The following ZCCHC3 variants were observed in gnomAD, a reference collection of about 807,000 sequenced individuals.
ZCCHC3 encodes zinc finger CCHC domain-containing protein 3.
ZCCHC3 carries 20 observed loss-of-function variants against 18.4 expected under a neutral mutation model. The observed-to-expected ratio is 1.09, with a 90% confidence interval of 0.76 to 1.58. The LOEUF is 1.58. ZCCHC3 is among the 40% of genes most tolerant of loss of function. ZCCHC3 has a pLI of 0.00. For missense variants in ZCCHC3, 548 were observed against 511.2 expected, an observed-to-expected ratio of 1.07 and a Z score of -0.69; for synonymous variants, 310 against 232.7, an observed-to-expected ratio of 1.33 and a Z score of -3.02.
Position 297,992 on chromosome 20 carries a change from C to G in ZCCHC3, c.406C>G (p.Pro136Ala). The G allele has an allele frequency of 7.5e-7, 1 of 1,326,966 alleles. No individual in the cohort carries two copies. Among genetic ancestry groups the G allele is most frequent in the East Asian group, 3.1e-5 (1 of 32,156 alleles). 82.2% of individuals were successfully genotyped at this position (1,326,966 alleles called of 1,614,324 possible). A position where few individuals can be genotyped will look rare whatever the true frequency, so the allele number is the denominator to read the frequency against. The change falls in exon 1 of 1, where the codon CCG (proline) becomes GCG (alanine). Residue 136 changes from proline (P) to alanine (A), a missense_variant. By Grantham distance (27) the Pro-to-Ala change is conservative. Transcript: ENST00000500893. ...AEAAAAAMAT[P>A]ARPGEAEDAA... Reference sequence around the variant, plus strand: ...GGCGGCGGCGGCCGCCATGGCGACCCCGGCCAGGCCCGGCGAGGCCGAGGA... The same window carrying G: ...GGCGGCGGCGGCCGCCATGGCGACCGCGGCCAGGCCCGGCGAGGCCGAGGA...
In ZCCHC3 at chr20:297,992, C is replaced by T; in HGVS notation, c.406C>T (p.Pro136Ser). ...GGCGGCGGCGGCCGCCATGGCGACC[C>T]CGGCCAGGCCCGGCGAGGCCGAGGA... is the stretch of plus-strand genomic sequence containing the variant. ...AEAAAAAMAT[P>S]ARPGEAEDAA... The change falls in exon 1 of 1, where the codon CCG becomes TCG. Residue 136 changes from proline to serine, a missense_variant. Physicochemically the swap from Pro to Ser is moderately conservative, Grantham distance 74. Transcript: ENST00000500893. 1.5e-6 allele frequency: 2 copies of T among 1,326,966 alleles called. No individual in the cohort carries two copies. The highest frequency in any genetic ancestry group is 1.9e-6 in the Non-Finnish European group (2 of 1,044,254). The allele number at this position is 1,326,966 out of a possible 1,614,324, so 82.2% of individuals were successfully genotyped here. A position where few individuals can be genotyped will look rare whatever the true frequency, so the allele number is the denominator to read the frequency against.
In ZCCHC3 at chr20:297,616, G is replaced by A. The variant is rs984383671; in HGVS notation, c.30G>A (p.Glu10=). The change falls in exon 1 of 1, where the codon GAG becomes GAA. Residue 10 remains glutamate, a synonymous_variant. Transcript: ENST00000500893. ...CCACCGGCGGCGGCGCGGAGGAAGA[G>A]AGGAAACGGGGGCGGCCGCAGCTTC... MATGGGAEE[E]RKRGRPQLLP... 8 of 1,381,424 alleles carry A rather than the reference G, an allele frequency of 5.8e-6. No homozygotes were observed. The highest frequency in any genetic ancestry group is 3.1e-5 in the East Asian group (1 of 32,560). 85.6% of individuals were successfully genotyped at this position (1,381,424 alleles called of 1,614,324 possible). A position where few individuals can be genotyped will look rare whatever the true frequency, so the allele number is the denominator to read the frequency against.
Position 298,692 on chromosome 20 carries a change from G to A in ZCCHC3, c.1106G>A (p.Gly369Asp), listed in dbSNP as rs766247769. ...CACCTGAGCCCTTACTGCCGGAAGG[G>A]CATCGTGTGCAACCTCTGTGGCAAG... ...EGHLSPYCRK[G>D]IVCNLCGKRG... The change falls in exon 1 of 1, where the codon GGC becomes GAC. Residue 369 changes from glycine to aspartate, a missense_variant. By Grantham distance (94) the Gly-to-Asp change is moderately conservative. Coordinates refer to ENST00000500893, the MANE Select transcript of ZCCHC3 (RefSeq NM_033089.7). 6.2e-7 allele frequency: 1 copy of A among 1,600,490 alleles called. No individual in the cohort carries two copies. The highest frequency in any genetic ancestry group is 8.6e-7 in the Non-Finnish European group (1 of 1,168,240).
At position 297,741 on chromosome 20, in the gene ZCCHC3, G is replaced by A. The variant is rs2012664296; in HGVS notation, c.155G>A (p.Gly52Asp). Residue 52 changes from glycine (G) to aspartate (D), a missense_variant, in exon 1 of 1, where the codon GGC (glycine) becomes GAC (aspartate). Transcript: ENST00000500893. ...GTGAAGAATCTAGCCGAGAAGAAGGGCGAATTCCGCGAGCCGCGGCCGCCG... is the reference window on the plus strand; with the variant it reads ...GTGAAGAATCTAGCCGAGAAGAAGGACGAATTCCGCGAGCCGCGGCCGCCG... Reference protein sequence around the residue: ...QVVKNLAEKKGEFREPRPPRR... With the variant: ...QVVKNLAEKKDEFREPRPPRR... 3.6e-6 allele frequency: 5 copies of A among 1,374,570 alleles called. No individual in the cohort carries two copies. Among genetic ancestry groups the A allele is most frequent in the Admixed American group, 6.4e-5 (2 of 31,060 alleles). The allele number at this position is 1,374,570 out of a possible 1,614,324, so 85.1% of individuals were successfully genotyped here. A position where few individuals can be genotyped will look rare whatever the true frequency, so the allele number is the denominator to read the frequency against.
Position 297,782 on chromosome 20 carries a change from AGCG to A in ZCCHC3, c.204_206del (p.Gly71del). The A allele has an allele frequency of 7.3e-7, 1 of 1,365,164 alleles. No homozygotes were observed. The allele number at this position is 1,365,164 out of a possible 1,614,324, so 84.6% of individuals were successfully genotyped here. On this transcript the variant is annotated inframe_deletion, in exon 1 of 1. Coordinates refer to ENST00000500893, the MANE Select transcript of ZCCHC3 (RefSeq NM_033089.7). Reference sequence around the variant, plus strand: ...GCGGCCGCCGCGGCGGGAGGAGGAAAGCGGCGGCGGTGGAGGGAGCGCCGGGCT... The same window carrying A: ...GCGGCCGCCGCGGCGGGAGGAGGAAAGCGGCGGTGGAGGGAGCGCCGGGCT...
In ZCCHC3 at chr20:297,665, CG is replaced by C; in HGVS notation, c.83del (p.Gly28AlafsTer17). The C allele has an allele frequency of 2.2e-6, 3 of 1,365,714 alleles. No individual in the cohort carries two copies. Among genetic ancestry groups the C allele is most frequent in the Non-Finnish European group, 1.9e-6 (2 of 1,057,814 alleles). 84.6% of individuals were successfully genotyped at this position (1,365,714 alleles called of 1,614,324 possible). A position where few individuals can be genotyped will look rare whatever the true frequency, so the allele number is the denominator to read the frequency against. ...QLLPPARPAARGEEADGGREK... is the reference protein window; with the variant it reads ...QLLPPARPAAXGEEADGGREK... Reference sequence around the variant, plus strand: ...TCTGCCCCCCGCGCGGCCCGCGGCCCGGGGCGAGGAGGCCGACGGCGGCCGC... The same window carrying C: ...TCTGCCCCCCGCGCGGCCCGCGGCCCGGGCGAGGAGGCCGACGGCGGCCGC... On this transcript the variant is annotated frameshift_variant, in exon 1 of 1. Coordinates refer to ENST00000500893, the MANE Select transcript of ZCCHC3 (RefSeq NM_033089.7). LOFTEE classifies it high-confidence loss of function.
Position 298,999 on chromosome 20 carries a change from C to A in ZCCHC3, c.*201C>A. The A allele has an allele frequency of 2.1e-6, 1 of 468,790 alleles. No individual in the cohort carries two copies. The highest frequency in any genetic ancestry group is 3.5e-5 in the East Asian group (1 of 28,510). 29.0% of individuals were successfully genotyped at this position (468,790 alleles called of 1,614,324 possible). On this transcript the variant is annotated 3_prime_UTR_variant, in exon 1 of 1. Coordinates refer to ENST00000500893, the MANE Select transcript of ZCCHC3 (RefSeq NM_033089.7). ...GTGACTCTGTCACCAATAACGACTG[C>A]GGAGAACTGTAGCGTGCAGATGTGT...
In ZCCHC3 at chr20:297,928, G is replaced by C; in HGVS notation, c.342G>C (p.Lys114Asn). 3 of 1,270,292 alleles carry C rather than the reference G, an allele frequency of 2.4e-6. No homozygotes were observed. Among genetic ancestry groups the C allele is most frequent in the Non-Finnish European group, 3.0e-6 (3 of 1,010,244 alleles). 78.7% of individuals were successfully genotyped at this position (1,270,292 alleles called of 1,614,324 possible). Residue 114 changes from lysine (K) to asparagine (N), a missense_variant, in exon 1 of 1, where the codon AAG (lysine) becomes AAC (asparagine). By Grantham distance (94) the Lys-to-Asn change is moderately conservative (BLOSUM62 0). Coordinates refer to ENST00000500893, the MANE Select transcript of ZCCHC3 (RefSeq NM_033089.7). ...PAGEAVDPRK[K>N]KGAAEAGRRK... ...GCGAGGCGGTGGACCCCCGCAAAAA[G>C]AAGGGCGCTGCGGAGGCGGGCAGGA...
rs1456758241 is a variant in ZCCHC3 at position 298,573 on chromosome 20, G to A, written c.987G>A (p.Lys329=). Residue 329 remains lysine, a synonymous_variant, in exon 1 of 1, where the codon AAG becomes AAA. Transcript: ENST00000500893. ...LGAERGYSWY[K]GQPKTCFKCG... is the part of the protein sequence containing the mutation. ...CCGAGAGGGGCTACAGCTGGTACAA[G>A]GGGCAGCCCAAGACATGCTTTAAAT... 1 of 798,198 alleles carries A rather than the reference G, an allele frequency of 1.3e-6. No individual in the cohort carries two copies. The allele number at this position is 798,198 out of a possible 1,614,324, so 49.4% of individuals were successfully genotyped here. A position where few individuals can be genotyped will look rare whatever the true frequency, so the allele number is the denominator to read the frequency against.
rs2012715119 is a variant in ZCCHC3, at chr20:299,802, G to T, written c.*1004G>T. 1.2e-5 allele frequency: 2 copies of T among 167,292 alleles called. No individual in the cohort carries two copies. 10.4% of individuals were successfully genotyped at this position (167,292 alleles called of 1,614,324 possible). On this transcript the variant is annotated 3_prime_UTR_variant, in exon 1 of 1. Transcript: ENST00000500893. ...GGGAGCAGAAAGAGAAGGTTTTTAA[G>T]GAGGGGCTTCTGAATACTTGGGAGA...
rs1260147950 is a variant in ZCCHC3, at chr20:297,595, C to T, written c.9C>T (p.Thr3=). The change falls in exon 1 of 1, where the codon ACC becomes ACT. Residue 3 remains threonine (T), a synonymous_variant. Transcript: ENST00000500893. MA[T]GGGAEEERKR... is the part of the protein sequence containing the mutation. ...GCTGGGAAGGAGGTAAAATGGCCAC[C>T]GGCGGCGGCGCGGAGGAAGAGAGGA... 2.2e-6 allele frequency: 3 copies of T among 1,369,230 alleles called. No homozygotes were observed. Among genetic ancestry groups the T allele is most frequent in the East Asian group, 3.1e-5 (1 of 32,504 alleles). 84.8% of individuals were successfully genotyped at this position (1,369,230 alleles called of 1,614,324 possible).
Position 298,171 on chromosome 20 carries a change from GGACCCGAGC to G in ZCCHC3, c.589_597del (p.Pro197_Asp199del). On this transcript the variant is annotated inframe_deletion, in exon 1 of 1. Transcript: ENST00000500893. ...CGCTTATCCTGCGCTCCATCGGCAT[GGACCCGAGC>G]GACATCTACGCGGTCATCCAGATCC... 3 of 1,482,768 alleles carry G rather than the reference GGACCCGAGC, an allele frequency of 2.0e-6. No homozygotes were observed. Among genetic ancestry groups the G allele is most frequent in the Non-Finnish European group, 2.8e-6 (3 of 1,060,404 alleles). 91.9% of individuals were successfully genotyped at this position (1,482,768 alleles called of 1,614,324 possible). A position where few individuals can be genotyped will look rare whatever the true frequency, so the allele number is the denominator to read the frequency against.
Position 297,779 on chromosome 20 carries a change from GA to G in ZCCHC3, c.196del (p.Ser66AlafsTer120). 7.3e-7 allele frequency: 1 copy of G among 1,368,648 alleles called. No homozygotes were observed. The highest frequency in any genetic ancestry group is 2.3e-4 in the Middle Eastern group (1 of 4,408). The allele number at this position is 1,368,648 out of a possible 1,614,324, so 84.8% of individuals were successfully genotyped here. On this transcript the variant is annotated frameshift_variant, in exon 1 of 1. Transcript: ENST00000500893. LOFTEE classifies it high-confidence loss of function. Reference protein sequence around the residue: ...REPRPPRREEESGGGGGSAGL... With the variant: ...REPRPPRREEXSGGGGGSAGL... ...GCCGCGGCCGCCGCGGCGGGAGGAG[GA>G]AAGCGGCGGCGGTGGAGGGAGCGCC... is the stretch of plus-strand genomic sequence containing the variant.
Position 297,783 on chromosome 20 carries a change from G to C in ZCCHC3, c.197G>C (p.Ser66Thr). The C allele has an allele frequency of 7.3e-7, 1 of 1,364,092 alleles. No individual in the cohort carries two copies. Among genetic ancestry groups the C allele is most frequent in the South Asian group, 1.8e-5 (1 of 55,594 alleles). The allele number at this position is 1,364,092 out of a possible 1,614,324, so 84.5% of individuals were successfully genotyped here. Residue 66 changes from serine to threonine, a missense_variant, in exon 1 of 1, where the codon AGC (serine) becomes ACC (threonine). Physicochemically the swap from Ser to Thr is moderately conservative, Grantham distance 58 (BLOSUM62 1). Coordinates refer to ENST00000500893, the MANE Select transcript of ZCCHC3 (RefSeq NM_033089.7). ...CGGCCGCCGCGGCGGGAGGAGGAAA[G>C]CGGCGGCGGTGGAGGGAGCGCCGGG... ...EPRPPRREEE[S>T]GGGGGSAGLG...
chr20:298,714 C>G lies in ZCCHC3; in HGVS notation c.1128C>G (p.Gly376=). 1.2e-6 allele frequency: 2 copies of G among 1,607,136 alleles called. No individual in the cohort carries two copies. Among genetic ancestry groups the G allele is most frequent in the Non-Finnish European group, 1.7e-6 (2 of 1,176,128 alleles). ...AGGGCATCGTGTGCAACCTCTGTGG[C>G]AAGCGAGGACACGCCTTTGCCCAGT... ...CRKGIVCNLC[G]KRGHAFAQCP... is the part of the protein sequence containing the mutation. Residue 376 remains glycine, a synonymous_variant, in exon 1 of 1, where the codon GGC becomes GGG. Coordinates refer to ENST00000500893, the MANE Select transcript of ZCCHC3 (RefSeq NM_033089.7).
chr20:298,000 G>A lies in ZCCHC3; in HGVS notation c.414G>A (p.Arg138=). Reference sequence around the variant, plus strand: ...CGGCCGCCATGGCGACCCCGGCCAGGCCCGGCGAGGCCGAGGACGCGGCCG... The same window carrying A: ...CGGCCGCCATGGCGACCCCGGCCAGACCCGGCGAGGCCGAGGACGCGGCCG... The part of the protein sequence containing the change: ...AAAAAMATPA[R]PGEAEDAAER... The change falls in exon 1 of 1, where the codon AGG becomes AGA. Residue 138 remains arginine (R), a synonymous_variant. Coordinates refer to ENST00000500893, the MANE Select transcript of ZCCHC3 (RefSeq NM_033089.7). 1 of 1,378,638 alleles carries A rather than the reference G, an allele frequency of 7.3e-7. No individual in the cohort carries two copies. 85.4% of individuals were successfully genotyped at this position (1,378,638 alleles called of 1,614,324 possible).
In ZCCHC3 at chr20:297,804, C is replaced by T; in HGVS notation, c.218C>T (p.Ala73Val). ...GAAAGCGGCGGCGGTGGAGGGAGCG[C>T]CGGGCTCGGCGGCCCCGCGGGCCTG... ...EEESGGGGGSAGLGGPAGLAA... is the reference protein window; with the variant it reads ...EEESGGGGGSVGLGGPAGLAA... The change falls in exon 1 of 1, where the codon GCC becomes GTC. Residue 73 changes from alanine to valine, a missense_variant. By Grantham distance (64) the Ala-to-Val change is moderately conservative. Coordinates refer to ENST00000500893, the MANE Select transcript of ZCCHC3 (RefSeq NM_033089.7). The T allele has an allele frequency of 7.7e-7, 1 of 1,294,920 alleles. No individual in the cohort carries two copies. The highest frequency in any genetic ancestry group is 9.8e-7 in the Non-Finnish European group (1 of 1,023,158). The allele number at this position is 1,294,920 out of a possible 1,614,324, so 80.2% of individuals were successfully genotyped here. A position where few individuals can be genotyped will look rare whatever the true frequency, so the allele number is the denominator to read the frequency against.
At position 298,731 on chromosome 20, in the gene ZCCHC3, T is replaced by C. The variant is rs1212459554; in HGVS notation, c.1145T>C (p.Phe382Ser). The C allele has an allele frequency of 6.3e-7, 1 of 1,599,982 alleles. No homozygotes were observed. The highest frequency in any genetic ancestry group is 8.5e-7 in the Non-Finnish European group (1 of 1,172,780). ...CNLCGKRGHA[F>S]AQCPKAVHNS... ...CTCTGTGGCAAGCGAGGACACGCCTTTGCCCAGTGTCCCAAAGCAGTGCAC... is the reference window on the plus strand; with the variant it reads ...CTCTGTGGCAAGCGAGGACACGCCTCTGCCCAGTGTCCCAAAGCAGTGCAC... Residue 382 changes from phenylalanine to serine, a missense_variant, in exon 1 of 1, where the codon TTT (phenylalanine) becomes TCT (serine). By Grantham distance (155) the Phe-to-Ser change is radical. Coordinates refer to ENST00000500893, the MANE Select transcript of ZCCHC3 (RefSeq NM_033089.7).
Position 298,119 on chromosome 20 carries a change from G to C in ZCCHC3, c.533G>C (p.Cys178Ser), listed in dbSNP as rs1269146815. ...TGTTTCCAGGGAGACGAGGGCGCCT[G>C]CCCGACCCGGGACTTCGTGGTAGGA... ...RICFQGDEGA[C>S]PTRDFVVGAL... The change falls in exon 1 of 1, where the codon TGC becomes TCC. Residue 178 changes from cysteine to serine, a missense_variant. By Grantham distance (112) the Cys-to-Ser change is moderately radical (BLOSUM62 -1). Coordinates refer to ENST00000500893, the MANE Select transcript of ZCCHC3 (RefSeq NM_033089.7). The C allele has an allele frequency of 1.2e-6, 2 of 1,602,294 alleles. No homozygotes were observed. Among genetic ancestry groups the C allele is most frequent in the South Asian group, 1.1e-5 (1 of 90,692 alleles).
Sources: allele counts gnomAD v4.1 joint callset, GRCh38; gene constraint gnomAD v4.1.1; transcripts MANE v1.5; gene names NCBI Gene and HGNC (gene_info 2026-07-23, HGNC 2026-07-21).